Variants in GRIA4 observed in about 807,000 individuals in gnomAD.
GRIA4 encodes glutamate ionotropic receptor AMPA type subunit 4.
In GRIA4, 34 loss-of-function variants were observed where a neutral mutation model predicts 104.0. That is an observed-to-expected ratio of 0.33 (90% confidence interval 0.25 to 0.44). The LOEUF (loss-of-function observed/expected upper bound fraction) is 0.44, where lower values mean the gene tolerates loss of function less well. Ranked by LOEUF, GRIA4 falls within the 20% of genes least tolerant of loss-of-function variation. The pLI is 1.00. For missense variants in GRIA4, 750 were observed against 1,096.5 expected (o/e 0.68, Z 4.46); for synonymous variants, 386 against 381.9 (o/e 1.01, Z -0.13).
rs771469294 is a variant in GRIA4 at position 105,898,251 on chromosome 11, T to C, written c.727-18T>C. The C allele has an allele frequency of 3.0e-6, 4 of 1,327,564 alleles. 1 individual carries two copies. Among genetic ancestry groups the C allele is most frequent in the South Asian group, 2.5e-5 (2 of 79,194 alleles). The allele number at this position is 1,327,564 out of a possible 1,614,324, so 82.2% of individuals were successfully genotyped here. On this transcript the variant is annotated intron_variant, in intron 6 of 16. Transcript: ENST00000282499. ...ATAATAAACTAAATTTAACAATCTT[T>C]TGTATTAATTTTTATAGGGATTCAA...
intron 3 of GRIA4, among the ~76,000 whole-genome samples, chr11:105,660,669 AAAAC>A: frequency 6.6e-6 from 1 of 151,738 alleles, no homozygotes; most frequent in East Asian, 1.9e-4. Context: ...AGACAGAAAA[AAAAC>A]AGTTCTTAAC....
chr11:105,717,818 C>T (rs911217979), intron 3 of GRIA4, among the ~76,000 whole-genome samples: 9 of 150,468 alleles, frequency 6.0e-5, no homozygotes, highest in African/African-American at 2.0e-4. Flanking sequence ...CCCACTAACT[C>T]GTCATCTAGC....
intron 3 of GRIA4, among the ~76,000 whole-genome samples, chr11:105,699,996 C>T (rs1350379767): frequency 6.6e-6 from 1 of 152,144 alleles, no homozygotes; most frequent in Admixed American, 6.5e-5. Flanking sequence ...GGAACAGTGC[C>T]TAGATCCTAG....
chr11:105,707,637 A>C lies in GRIA4; in HGVS notation c.248-45344A>C, dbSNP rs995824629. 3.3e-5 allele frequency: 5 copies of C among 152,286 alleles called. No homozygotes were observed. The East Asian group carries it at 7.7e-4, about 24-fold the overall frequency. The allele number at this position is 152,286 out of a possible 1,614,324, so 9.4% of individuals were successfully genotyped here. On this transcript the variant is annotated intron_variant, in intron 3 of 16. Coordinates refer to ENST00000282499, the MANE Select transcript of GRIA4 (RefSeq NM_000829.4). ...TTGATGTAGACATTATTAAAAGAAC[A>C]CTCTGAATTCTTGCAATGATAAATT...
At chr11:105,936,110 C>G (rs1425158722) in intron 14 of GRIA4, among the ~76,000 whole-genome samples, 3 of 152,232 alleles carry the variant, frequency 2.0e-5, no homozygotes, top group Admixed American at 6.5e-5. Flanking sequence ...CAGCATGCAC[C>G]TCACCCCACC....
chr11:105,872,545 T>A lies in GRIA4; in HGVS notation c.672+10337T>A, dbSNP rs1945656070. ...ATTTCATCTTCAACATATTTGACGT[T>A]AAAATTCAGCAAGTATTCCTCCCTA... On this transcript the variant is annotated intron_variant, in intron 5 of 16. Coordinates refer to ENST00000282499, the MANE Select transcript of GRIA4 (RefSeq NM_000829.4). 2.0e-5 allele frequency among the ~76,000 whole-genome samples: 3 copies of A among 152,254 alleles called. No homozygotes were observed. In the South Asian group the frequency reaches 6.2e-4, roughly 32 times the overall value.
chr11:105,970,896 A>T (rs1858653557), intron 14 of GRIA4, among the ~76,000 whole-genome samples: 1 of 152,204 alleles, frequency 6.6e-6, no homozygotes, highest in South Asian at 2.1e-4. Context: ...AACGGAAAGA[A>T]TTATTAAATT....
intron 3 of GRIA4, among the ~76,000 whole-genome samples, chr11:105,621,336 A>T (rs1353611352): frequency 6.6e-6 from 1 of 151,456 alleles, no homozygotes; most frequent in Admixed American, 6.6e-5. Flanking sequence ...TAATCACAAC[A>T]CTTGGAGCTA....
At chr11:105,734,695 T>C (rs1483671319) in intron 3 of GRIA4, among the ~76,000 whole-genome samples, 6 of 152,194 alleles carry the variant, frequency 3.9e-5, no homozygotes, top group Admixed American at 3.3e-4. Flanking sequence ...ATTGTTCAGC[T>C]TCTTTATAGC....
At chr11:105,688,143 T>C (rs1360287557) in intron 3 of GRIA4, among the ~76,000 whole-genome samples, 1 of 58,052 alleles carries the variant, frequency 1.7e-5, no homozygotes. Context: ...TATATCTATA[T>C]CTATATCTAT....
intron 11 of GRIA4, among the ~76,000 whole-genome samples, chr11:105,920,050 T>C (rs551475559): frequency 3.3e-5 from 5 of 152,132 alleles, no homozygotes; most frequent in African/African-American, 1.2e-4. Flanking sequence ...CGATTCTGCA[T>C]CTTGCCTTTT....
At chr11:105,767,250 A>G (rs2135732465) in intron 4 of GRIA4, among the ~76,000 whole-genome samples, 1 of 152,234 alleles carries the variant, frequency 6.6e-6, no homozygotes, top group Non-Finnish European at 1.5e-5. Context: ...CCCGCTAATG[A>G]ATGATCAGGA....
intron 13 of GRIA4, among the ~76,000 whole-genome samples, chr11:105,929,339 C>T (rs1449506443): frequency 1.3e-5 from 2 of 152,048 alleles, no homozygotes; most frequent in Non-Finnish European, 2.9e-5. Flanking sequence ...AAAAAAATGC[C>T]ACAGTTATAA....
intron 3 of GRIA4, among the ~76,000 whole-genome samples, chr11:105,745,763 G>A (rs1005970214): frequency 1.1e-4 from 16 of 152,178 alleles, no homozygotes; most frequent in Non-Finnish European, 2.9e-5. Context: ...GCAGTCAGGA[G>A]TGGGACTTGT....
rs554550236 is a variant in GRIA4 at position 105,827,501 on chromosome 11, C to A, written c.488-34523C>A. Among the ~76,000 whole-genome samples, 7 of 151,966 alleles carry A rather than the reference C, an allele frequency of 4.6e-5. No homozygotes were observed. The South Asian group carries it at 1.5e-3, about 32-fold the overall frequency. On this transcript the variant is annotated intron_variant, in intron 4 of 16. Transcript: ENST00000282499. ...ATCTTAAAATAAATCTTCTTCATTT[C>A]AGAGGTTTACTAAAATGTTCTATAA...
chr11:105,774,090 T>A (rs1328624621), intron 4 of GRIA4, among the ~76,000 whole-genome samples: 2 of 151,384 alleles, frequency 1.3e-5, no homozygotes, highest in Non-Finnish European at 2.9e-5. Flanking sequence ...ATTAGTAGAT[T>A]ACAGAAAAGT....
chr11:105,649,608 C>T (rs537475082), intron 3 of GRIA4, among the ~76,000 whole-genome samples: 124 of 152,152 alleles, frequency 8.1e-4, no homozygotes, highest in East Asian at 5.8e-4. Flanking sequence ...AGCAACATGC[C>T]TATTTCATAA....
At chr11:105,893,895 T>C (rs2136115832) in intron 6 of GRIA4, among the ~76,000 whole-genome samples, 1 of 152,340 alleles carries the variant, frequency 6.6e-6, no homozygotes, top group East Asian at 1.9e-4. Context: ...AGCTGGAGAT[T>C]GATGGACAGT....
At chr11:105,708,288 C>A (rs1346398116) in intron 3 of GRIA4, among the ~76,000 whole-genome samples, 1 of 151,912 alleles carries the variant, frequency 6.6e-6, no homozygotes, top group Non-Finnish European at 1.5e-5. Flanking sequence ...ATACCAGAAA[C>A]AAATGAGATT....
Sources: allele counts gnomAD v4.1 joint callset (sites outside exome capture counted in the v4.1 genomes callset), GRCh38; gene constraint gnomAD v4.1.1; transcripts MANE v1.5; gene names NCBI Gene and HGNC (gene_info 2026-07-23, HGNC 2026-07-21).